VSTM4: variants seen among roughly 807,000 people sequenced by gnomAD.
VSTM4 encodes V-set and transmembrane domain containing 4, also known as V-set and transmembrane domain-containing protein 4.
Under a neutral mutation model 36.4 loss-of-function variants are expected in VSTM4, and 20 were observed. The ratio of observed to expected loss-of-function variants is 0.55; its 90% CI spans 0.39 to 0.80. VSTM4 has a LOEUF of 0.80. VSTM4 is among the 30% of genes least tolerant of loss of function. VSTM4 has a pLI of 0.00. For missense variants in VSTM4, 392 were observed against 404.5 expected (o/e 0.97, Z 0.26); for synonymous variants, 182 against 173.9 (o/e 1.05, Z -0.37).
rs772575056 is a variant in VSTM4, at chr10:49,085,829, T to A, written c.526+126A>T. On this transcript the variant is annotated intron_variant, in intron 3 of 7. Coordinates refer to ENST00000332853, the MANE Select transcript of VSTM4 (RefSeq NM_001031746.5). ...GGGTGCAGCACACCAATGTGGCACA[T>A]GCATATATATGTAACAAACCTGCAC... 4 of 537,932 alleles carry A rather than the reference T, an allele frequency of 7.4e-6. No individual in the cohort carries two copies. In the South Asian group the frequency reaches 1.1e-4, roughly 15 times the overall value. The allele number at this position is 537,932 out of a possible 1,614,324, so 33.3% of individuals were successfully genotyped here.
intron 7 of VSTM4, among the ~76,000 whole-genome samples, chr10:49,046,004 G>T (rs927949385): frequency 6.6e-6 from 1 of 152,102 alleles, no homozygotes. Flanking sequence ...GAAATCTGAT[G>T]GTTTTATAAA....
chr10:49,093,424 T>A (rs989806503), intron 2 of VSTM4, among the ~76,000 whole-genome samples: 2 of 152,206 alleles, frequency 1.3e-5, no homozygotes. Flanking sequence ...TTTAATAGCA[T>A]GTCTCAATGT....
chr10:49,074,380 A>G (rs1008065639), intron 4 of VSTM4, among the ~76,000 whole-genome samples: 3 of 152,232 alleles, frequency 2.0e-5, no homozygotes, highest in African/African-American at 7.2e-5. Context: ...GAACAGCTCT[A>G]AGGCCTTGCT....
rs113939115 is a variant in VSTM4, at chr10:49,085,111, C to T, written c.526+844G>A. 6.0e-4 allele frequency among the ~76,000 whole-genome samples: 92 copies of T among 152,342 alleles called. 1 individual carries two copies. The highest frequency in any genetic ancestry group is 3.5e-3 in the South Asian group (17 of 4,818). ...ATTGCCTGGATGTCTTGTTAAACCC[C>T]GGATTTCTTGGGCACCATCCCTAGA... is the stretch of plus-strand genomic sequence containing the variant. On this transcript the variant is annotated intron_variant, in intron 3 of 7. Coordinates refer to ENST00000332853, the MANE Select transcript of VSTM4 (RefSeq NM_001031746.5).
chr10:49,090,270 C>T (rs1183387241), intron 2 of VSTM4, among the ~76,000 whole-genome samples: 1 of 152,210 alleles, frequency 6.6e-6, no homozygotes, highest in Non-Finnish European at 1.5e-5. Flanking sequence ...CCGTACTGGG[C>T]TCACCTTGGG....
intron 2 of VSTM4, among the ~76,000 whole-genome samples, chr10:49,089,014 C>A (rs981092733): frequency 4.6e-5 from 7 of 152,212 alleles, no homozygotes. Context: ...AGCCCAAATC[C>A]CCTGGGTGAA....
chr10:49,052,521 C>T (rs1448622019), intron 5 of VSTM4, among the ~76,000 whole-genome samples: 1 of 146,414 alleles, frequency 6.8e-6, no homozygotes, highest in Admixed American at 6.9e-5. Flanking sequence ...GGTTTGCAAG[C>T]AACTTTTACA....
chr10:49,092,832 G>C (rs1490184763), intron 2 of VSTM4, among the ~76,000 whole-genome samples: 1 of 152,192 alleles, frequency 6.6e-6, no homozygotes, highest in Non-Finnish European at 1.5e-5. Context: ...TGGTAGTCCA[G>C]AGAACATGGA....
At chr10:49,065,424 T>C (rs1156791603) in intron 4 of VSTM4, among the ~76,000 whole-genome samples, 1 of 152,196 alleles carries the variant, frequency 6.6e-6, no homozygotes, top group Non-Finnish European at 1.5e-5. Context: ...CACCCATGTG[T>C]ACCCCCTCCC....
At chr10:49,056,364 G>C (rs1843779401) in intron 5 of VSTM4, among the ~76,000 whole-genome samples, 1 of 152,244 alleles carries the variant, frequency 6.6e-6, no homozygotes, top group African/African-American at 2.4e-5. Context: ...CGCAGGCTTG[G>C]CTCCTAGTAA....
At chr10:49,109,559 C>A (rs1844854693) in intron 1 of VSTM4, among the ~76,000 whole-genome samples, 1 of 152,196 alleles carries the variant, frequency 6.6e-6, no homozygotes. Context: ...AGGGTAATTC[C>A]ATGAGCCTTG....
chr10:49,108,986 C>T (rs574878769), intron 1 of VSTM4, among the ~76,000 whole-genome samples: 11 of 152,324 alleles, frequency 7.2e-5, no homozygotes, highest in African/African-American at 2.4e-4. Context: ...AGCCCTCTGG[C>T]AGGCAGGGCC....
At chr10:49,069,001 G>A (rs371727613) in intron 4 of VSTM4, among the ~76,000 whole-genome samples, 17 of 152,058 alleles carry the variant, frequency 1.1e-4, no homozygotes, top group South Asian at 1.0e-3. Flanking sequence ...GAAGAAGCAG[G>A]CCCTGGGCCA....
At chr10:49,105,275 C>CAG (rs1433837471) in intron 2 of VSTM4, among the ~76,000 whole-genome samples, 1 of 94,780 alleles carries the variant, frequency 1.1e-5, no homozygotes, top group Non-Finnish European at 2.0e-5. Flanking sequence ...AACAGAGAGA[C>CAG]AGAGAGAGAC....
chr10:49,086,054 GAAAA>G, intron 2 of VSTM4, 31 bp from the exon 3 acceptor site: 1 of 1,458,196 alleles, frequency 6.9e-7, no homozygotes, highest in Non-Finnish European at 9.4e-7. Context: ...AGCACAGTAT[GAAAA>G]AATAATGCCA....
At chr10:49,067,141 G>T (rs1487836378) in intron 4 of VSTM4, among the ~76,000 whole-genome samples, 1 of 152,098 alleles carries the variant, frequency 6.6e-6, no homozygotes, top group Non-Finnish European at 1.5e-5. Context: ...TGTCAAAGAT[G>T]GAAATTACAT....
chr10:49,016,007 C>T lies in VSTM4; in HGVS notation c.*3643G>A, dbSNP rs1843100249. On this transcript the variant is annotated 3_prime_UTR_variant, in exon 8 of 8. Coordinates refer to ENST00000332853, the MANE Select transcript of VSTM4 (RefSeq NM_001031746.5). ...CATTAAGAAGGGCATCTTCAGAACC[C>T]AGGGTGGGGCCCACTCGGGCAGCAG... 1 of 152,300 alleles carries T rather than the reference C, an allele frequency of 6.6e-6. No homozygotes were observed. Among genetic ancestry groups the T allele is most frequent in the South Asian group, 2.1e-4 (1 of 4,822 alleles). The allele number at this position is 152,300 out of a possible 1,614,324, so 9.4% of individuals were successfully genotyped here.
chr10:49,041,590 T>A (rs576950118), intron 7 of VSTM4, among the ~76,000 whole-genome samples: 2 of 152,284 alleles, frequency 1.3e-5, no homozygotes, highest in South Asian at 2.1e-4. Context: ...GAATCTGATA[T>A]TTTTTTAGTT....
At chr10:49,032,519 G>C (rs1305051259) in intron 7 of VSTM4, among the ~76,000 whole-genome samples, 1 of 152,214 alleles carries the variant, frequency 6.6e-6, no homozygotes, top group Non-Finnish European at 1.5e-5. Flanking sequence ...TAGTGGATGA[G>C]AGAGGCTCGA....
Sources: gnomAD v4.1 joint callset for allele counts (sites outside exome capture counted in the v4.1 genomes callset) on GRCh38, gnomAD v4.1.1 for gene constraint, MANE v1.5 for transcripts, NCBI Gene and HGNC (gene_info 2026-07-23, HGNC 2026-07-21) for gene names.